LGSN: variants seen among roughly 807,000 people sequenced by gnomAD.
LGSN encodes the protein lengsin.
LGSN carries 21 observed loss-of-function variants against 19.5 expected under a neutral mutation model. The ratio of observed to expected loss-of-function variants is 1.07; its 90% CI spans 0.76 to 1.55. The LOEUF is 1.55. Among genes scored for constraint, LGSN ranks in the 40% most tolerant of loss-of-function variants. The pLI is 0.00. For missense variants in LGSN, 673 were observed against 608.5 expected (o/e 1.11, Z -1.12); for synonymous variants, 257 against 215.6 (o/e 1.19, Z -1.68).
the LGSN span, among the ~76,000 whole-genome samples, chr6:63,538,103 T>G: frequency 2.8e-4 from 42 of 152,370 alleles, no homozygotes; most frequent in African/African-American, 1.0e-3. Flanking sequence ...TTGCTGACAT[T>G]AAATGTACAT....
chr6:63,530,093 GA>G, the LGSN span, among the ~76,000 whole-genome samples: 1 of 152,046 alleles, frequency 6.6e-6, no homozygotes, highest in Non-Finnish European at 1.5e-5. Flanking sequence ...ATAGATTTCT[GA>G]AAATGAGCCG....
chr6:63,482,986 C>T, the LGSN span, among the ~76,000 whole-genome samples: 1 of 152,196 alleles, frequency 6.6e-6, no homozygotes, highest in Non-Finnish European at 1.5e-5. Flanking sequence ...CAGGCGTGAG[C>T]CACCATGCCT....
chr6:63,471,897 C>T, the LGSN span, among the ~76,000 whole-genome samples: 11 of 152,126 alleles, frequency 7.2e-5, no homozygotes, highest in South Asian at 6.2e-4. Context: ...AAAAAGAGAT[C>T]GAAATCACAT....
chr6:63,332,219 A>G, the LGSN span, among the ~76,000 whole-genome samples: 1 of 152,200 alleles, frequency 6.6e-6, no homozygotes, highest in Non-Finnish European at 1.5e-5. Context: ...AGAAGGTAAC[A>G]GAGTCCTGGA....
chr6:63,494,177 T>G, the LGSN span, among the ~76,000 whole-genome samples: 2 of 152,096 alleles, frequency 1.3e-5, no homozygotes, highest in Non-Finnish European at 2.9e-5. Context: ...CTCGAATTTC[T>G]GACCTCAGGT....
the LGSN span, among the ~76,000 whole-genome samples, chr6:63,541,330 G>A: frequency 1.3e-5 from 2 of 152,000 alleles, no homozygotes; most frequent in African/African-American, 4.8e-5. Context: ...CAAGGCGGGT[G>A]GATCATGAGG....
At chr6:63,467,563 T>C in the LGSN span, among the ~76,000 whole-genome samples, 1 of 152,334 alleles carries the variant, frequency 6.6e-6, no homozygotes, top group Non-Finnish European at 1.5e-5. Context: ...ATGGGGCACC[T>C]TCTCCCTGTG....
chr6:63,515,382 C>T, the LGSN span, among the ~76,000 whole-genome samples: 1 of 152,046 alleles, frequency 6.6e-6, no homozygotes, highest in African/African-American at 2.4e-5. Flanking sequence ...CAGGCACCCA[C>T]CACCATGTCC....
the LGSN span, among the ~76,000 whole-genome samples, chr6:63,432,237 G>A: frequency 6.8e-6 from 1 of 147,668 alleles, no homozygotes; most frequent in Non-Finnish European, 1.5e-5. Flanking sequence ...CAGCATTAAT[G>A]TAGCACACAG....
the LGSN span, among the ~76,000 whole-genome samples, chr6:63,517,694 A>T: frequency 6.6e-6 from 1 of 152,168 alleles, no homozygotes; most frequent in Non-Finnish European, 1.5e-5. Context: ...AGAAATTGTC[A>T]ATAATGATCT....
chr6:63,572,600 C>G, the LGSN span: 1 of 418,998 alleles, frequency 2.4e-6, no homozygotes, highest in Non-Finnish European at 4.1e-6. Context: ...GCCGCCACCG[C>G]CGCTCCGCCA....
At chr6:63,342,470 G>A in the LGSN span, among the ~76,000 whole-genome samples, 2 of 152,270 alleles carry the variant, frequency 1.3e-5, no homozygotes, top group South Asian at 2.1e-4. Context: ...CACATGCTAT[G>A]ATTCAATAAA....
chr6:63,475,375 C>A, the LGSN span, among the ~76,000 whole-genome samples: 1 of 145,992 alleles, frequency 6.8e-6, no homozygotes, highest in Non-Finnish European at 1.5e-5. Flanking sequence ...AGAGACCCAA[C>A]ATACTTGACA....
the LGSN span, among the ~76,000 whole-genome samples, chr6:63,523,208 T>TCAAAAA: frequency 6.6e-6 from 1 of 152,088 alleles, no homozygotes; most frequent in Non-Finnish European, 1.5e-5. Flanking sequence ...TTACGAGTCA[T>TCAAAAA]CAAAAACAAC....
chr6:63,371,218 A>G, the LGSN span, among the ~76,000 whole-genome samples: 2 of 152,208 alleles, frequency 1.3e-5, no homozygotes, highest in South Asian at 4.1e-4. Context: ...CCTAGAACAT[A>G]TCCTGGGTGC....
the LGSN span, among the ~76,000 whole-genome samples, chr6:63,415,172 A>T: frequency 6.6e-6 from 1 of 151,504 alleles, no homozygotes; most frequent in African/African-American, 2.4e-5. Flanking sequence ...TAATAAAAAT[A>T]CAACCAGGCA....
At chr6:63,449,784 C>G in the LGSN span, among the ~76,000 whole-genome samples, 6 of 152,102 alleles carry the variant, frequency 3.9e-5, no homozygotes, top group Admixed American at 1.3e-4. Context: ...TAAGAAACAA[C>G]AGAAACAAAA....
At chr6:63,466,690 A>G in the LGSN span, among the ~76,000 whole-genome samples, 28 of 152,124 alleles carry the variant, frequency 1.8e-4, no homozygotes, top group African/African-American at 6.8e-4. Flanking sequence ...GTCAAGTATG[A>G]CTCCAAAGTT....
At chr6:63,338,832 C>A in the LGSN span, among the ~76,000 whole-genome samples, 1 of 152,042 alleles carries the variant, frequency 6.6e-6, no homozygotes, top group Non-Finnish European at 1.5e-5. Context: ...GTTAGAACTT[C>A]TTTTGCTGTA....
Sources: gnomAD v4.1 joint callset for allele counts (sites outside exome capture counted in the v4.1 genomes callset) on GRCh38, gnomAD v4.1.1 for gene constraint, MANE v1.5 for transcripts, NCBI Gene and HGNC (gene_info 2026-07-23, HGNC 2026-07-21) for gene names.